RNLS: variants seen among roughly 807,000 people sequenced by gnomAD.
RNLS encodes renalase, FAD dependent amine oxidase.
A neutral mutation model predicts 39.8 loss-of-function variants in RNLS; 39 were observed. The observed-to-expected ratio is 0.98, with a 90% CI of 0.76 to 1.28. The LOEUF is 1.28. Ranked by LOEUF, RNLS falls within the 50% of genes most tolerant of loss-of-function variation. The pLI is 0.00. For synonymous variants in RNLS, 147 were observed against 150.7 expected (o/e 0.98, Z 0.18); for missense variants, 410 against 413.3 (o/e 0.99, Z 0.07).
At chr10:88,479,798 T>C (rs531060129) in intron 4 of RNLS, among the ~76,000 whole-genome samples, 10 of 151,322 alleles carry the variant, frequency 6.6e-5, no homozygotes, top group African/African-American at 1.9e-4. Context: ...TTTTTCTTTT[T>C]TTTTTTTTTT....
chr10:88,472,220 G>A (rs535352748), intron 4 of RNLS, among the ~76,000 whole-genome samples: 1 of 152,304 alleles, frequency 6.6e-6, no homozygotes, highest in East Asian at 1.9e-4. Context: ...CAGTGAGAAG[G>A]AGGTGTATAA....
intron 4 of RNLS, among the ~76,000 whole-genome samples, chr10:88,552,142 A>T (rs1798243487): frequency 6.6e-6 from 1 of 152,164 alleles, no homozygotes; most frequent in African/African-American, 2.4e-5. Flanking sequence ...TTATCACTTC[A>T]TTACACAGAA....
intron 4 of RNLS, among the ~76,000 whole-genome samples, chr10:88,416,584 A>T (rs1051413419): frequency 5.3e-5 from 8 of 152,030 alleles, no homozygotes; most frequent in Non-Finnish European, 1.0e-4. Flanking sequence ...AGTCTATTAG[A>T]TTTCTTTTGA....
chr10:88,369,423 T>C (rs576582381), intron 4 of RNLS, among the ~76,000 whole-genome samples: 1 of 152,286 alleles, frequency 6.6e-6, no homozygotes, highest in South Asian at 2.1e-4. Flanking sequence ...AGACAGAGGC[T>C]GGGATATTGA....
chr10:88,455,583 T>G (rs1036616840), intron 4 of RNLS, among the ~76,000 whole-genome samples: 1 of 152,070 alleles, frequency 6.6e-6, no homozygotes, highest in African/African-American at 2.4e-5. Flanking sequence ...ATTTTTTGTA[T>G]TTTTAGTAGA....
chr10:88,186,736 G>A, the RNLS span, among the ~76,000 whole-genome samples: 198 of 150,970 alleles, frequency 1.3e-3, 1 homozygote, highest in African/African-American at 4.4e-3. Context: ...ATTTCTTTAC[G>A]GTAAAAAAAA....
chr10:88,284,487 G>A lies in RNLS; in HGVS notation c.*867C>T. On this transcript the variant is annotated 3_prime_UTR_variant, in exon 7 of 7. Coordinates refer to ENST00000331772, the MANE Select transcript of RNLS (RefSeq NM_001031709.3). Reference sequence around the variant, plus strand: ...CTGAACCACCAACTTGGCAAATATTGAACTATTTTAAGTGCATCTATTTTC... The same window carrying A: ...CTGAACCACCAACTTGGCAAATATTAAACTATTTTAAGTGCATCTATTTTC... 1.0e-6 allele frequency: 1 copy of A among 985,222 alleles called. No individual in the cohort carries two copies. Among genetic ancestry groups the A allele is most frequent in the African/African-American group, 1.7e-5 (1 of 57,310 alleles). 61.0% of individuals were successfully genotyped at this position (985,222 alleles called of 1,614,324 possible).
the RNLS span, among the ~76,000 whole-genome samples, chr10:88,254,038 A>G: frequency 2.0e-5 from 3 of 152,250 alleles, no homozygotes; most frequent in Non-Finnish European, 2.9e-5. Flanking sequence ...GAGTTTAGTT[A>G]TGATCATAAT....
At chr10:88,260,744 G>A in the RNLS span, among the ~76,000 whole-genome samples, 1 of 152,202 alleles carries the variant, frequency 6.6e-6, no homozygotes, top group Non-Finnish European at 1.5e-5. Flanking sequence ...CTGGCAAAGA[G>A]AGTTGACTTT....
chr10:88,385,887 G>GTT (rs1851832706), intron 4 of RNLS, among the ~76,000 whole-genome samples: 1 of 152,236 alleles, frequency 6.6e-6, no homozygotes, highest in African/African-American at 2.4e-5. Flanking sequence ...GTGCATTGCT[G>GTT]TTTGGGCTTG....
chr10:88,175,200 AAATG>A, the RNLS span, among the ~76,000 whole-genome samples: 1 of 152,116 alleles, frequency 6.6e-6, no homozygotes, highest in Non-Finnish European at 1.5e-5. Context: ...TTTTCAAAAA[AAATG>A]AATTTTTTGT....
chr10:88,245,607 T>C, the RNLS span, among the ~76,000 whole-genome samples: 1 of 152,386 alleles, frequency 6.6e-6, no homozygotes, highest in African/African-American at 2.4e-5. Flanking sequence ...TTGTGTGTTA[T>C]TGCATATATG....
chr10:88,466,119 G>A (rs1027370796), intron 4 of RNLS, among the ~76,000 whole-genome samples: 7 of 152,092 alleles, frequency 4.6e-5, no homozygotes, highest in African/African-American at 1.7e-4. Context: ...CAGATGGGAT[G>A]CCAGGGAGAG....
intron 4 of RNLS, among the ~76,000 whole-genome samples, chr10:88,443,829 C>G (rs890259039): frequency 2.6e-5 from 4 of 152,248 alleles, no homozygotes; most frequent in Non-Finnish European, 5.9e-5. Context: ...CCAGGAAGCT[C>G]CAACTGGGTG....
intron 4 of RNLS, among the ~76,000 whole-genome samples, chr10:88,386,795 A>G (rs971724753): frequency 2.3e-4 from 35 of 152,228 alleles, no homozygotes; most frequent in African/African-American, 8.2e-4. Context: ...GTTGTCTCCA[A>G]TAATCCCAGC....
chr10:88,581,531 A>G (rs1269261375), intron 3 of RNLS, 36 bp downstream of exon 3: 2 of 1,556,708 alleles, frequency 1.3e-6, no homozygotes, highest in South Asian at 1.2e-5. Context: ...TTAAATGCTA[A>G]TTTTAAAATT....
At chr10:88,462,162 C>A (rs747909712) in intron 4 of RNLS, among the ~76,000 whole-genome samples, 2 of 151,848 alleles carry the variant, frequency 1.3e-5, no homozygotes, top group African/African-American at 4.8e-5. Flanking sequence ...AAACCACTGA[C>A]CAGACAATAG....
chr10:88,245,778 C>A, the RNLS span, among the ~76,000 whole-genome samples: 1 of 152,180 alleles, frequency 6.6e-6, no homozygotes, highest in Admixed American at 6.5e-5. Context: ...GCCAGAAAAG[C>A]ATTAAAATCT....
At chr10:88,230,451 G>A in the RNLS span, among the ~76,000 whole-genome samples, 1,847 of 152,146 alleles carry the variant, frequency 0.012, 16 homozygotes, top group Middle Eastern at 0.027. Context: ...TTACTTCTCA[G>A]CCATTCTTCC....
Sources: allele counts gnomAD v4.1 joint callset (sites outside exome capture counted in the v4.1 genomes callset), GRCh38; gene constraint gnomAD v4.1.1; transcripts MANE v1.5; gene names NCBI Gene and HGNC (gene_info 2026-07-23, HGNC 2026-07-21).